PCDHGA7: variants seen among roughly 807,000 people sequenced by gnomAD.
PCDHGA7 encodes the protein protocadherin gamma subfamily A, 7.
A neutral mutation model predicts 58.3 loss-of-function variants in PCDHGA7; 44 were observed. That is an observed-to-expected ratio of 0.75 (90% CI 0.59 to 0.97). The LOEUF (loss-of-function observed/expected upper bound fraction) is 0.97. Among genes scored for constraint, PCDHGA7 ranks in the 50% least tolerant of loss-of-function variants. The probability of loss-of-function intolerance (pLI) is 0.00; values close to 1 mark genes in which losing one functional copy is unlikely to be tolerated. For synonymous variants in PCDHGA7, 516 were observed against 504.2 expected, an observed-to-expected ratio of 1.02 and a Z score of -0.31; for missense variants, 1,266 against 1,188.7, an observed-to-expected ratio of 1.06 and a Z score of -0.96.
chr5:141,455,876 TTTA>T (rs1271603055), intron 1 of PCDHGA7, among the ~76,000 whole-genome samples: 2 of 146,624 alleles, frequency 1.4e-5, no homozygotes, highest in Non-Finnish European at 1.5e-5. Context: ...TATTTATTTA[TTTA>T]TTTATTTATT....
Position 141,490,012 on chromosome 5 carries a change from G to A in PCDHGA7, c.2425-4795G>A. 1 of 1,614,232 alleles carries A rather than the reference G, an allele frequency of 6.2e-7. No homozygotes were observed. Among genetic ancestry groups the A allele is most frequent in the Non-Finnish European group, 8.5e-7 (1 of 1,180,044 alleles). ...GGGAATCCCAGAGAATGCACCCATT[G>A]GTACTCTGCTGCTCCGCCTCAATGC... is the stretch of plus-strand genomic sequence containing the variant. On this transcript the variant is annotated intron_variant, in intron 1 of 3. Transcript: ENST00000518325. This position sits in a 1 kb window ranked among gnomAD's most constrained non-coding sequence, Gnocchi z 5.4.
chr5:141,396,935 C>T (rs545100008), intron 1 of PCDHGA7, among the ~76,000 whole-genome samples: 1 of 152,240 alleles, frequency 6.6e-6, no homozygotes, highest in South Asian at 2.1e-4. Flanking sequence ...ATGAAAGTTG[C>T]CCTGGTAGGA....
At chr5:141,471,654 G>A (rs1235665796) in intron 1 of PCDHGA7, 2 of 152,044 alleles carry the variant, frequency 1.3e-5, no homozygotes, top group South Asian at 2.1e-4. Flanking sequence ...CTGGATGTGG[G>A]GATGCAGAAA....
chr5:141,394,432 C>T (rs1561648568), intron 1 of PCDHGA7: 2 of 1,614,238 alleles, frequency 1.2e-6, no homozygotes, highest in Admixed American at 1.7e-5. Flanking sequence ...AGCGGGGACC[C>T]GCCCCTCAGC....
chr5:141,457,937 G>A (rs916509260), intron 1 of PCDHGA7, among the ~76,000 whole-genome samples: 1 of 152,166 alleles, frequency 6.6e-6, no homozygotes, highest in African/African-American at 2.4e-5. Flanking sequence ...GGCTTTTATT[G>A]GCTCTGCATG....
At chr5:141,406,011 G>A (rs1380278745) in intron 1 of PCDHGA7, among the ~76,000 whole-genome samples, 7 of 151,702 alleles carry the variant, frequency 4.6e-5, no homozygotes, top group African/African-American at 1.7e-4. Context: ...CATTGATGTG[G>A]GCTTTTTGGG....
rs752091789 is a variant in PCDHGA7 at position 141,383,722 on chromosome 5, G to C, written c.823G>C (p.Gly275Arg). ...HAIDLDEGVN[G>R]EVTYSFRKIT... ...TATCGACCTGGACGAGGGAGTCAATGGGGAAGTGACATATTCTTTTCGGAA... is the reference window on the plus strand; with the variant it reads ...TATCGACCTGGACGAGGGAGTCAATCGGGAAGTGACATATTCTTTTCGGAA... Residue 275 changes from glycine (G) to arginine (R), a missense_variant, in exon 1 of 4, where the codon GGG becomes CGG. Coordinates refer to ENST00000518325, the MANE Select transcript of PCDHGA7 (RefSeq NM_018920.4). The C allele has an allele frequency of 1.2e-6, 2 of 1,613,934 alleles. No homozygotes were observed. The highest frequency in any genetic ancestry group is 4.5e-5 in the East Asian group (2 of 44,890).
chr5:141,394,643 G>T, intron 1 of PCDHGA7: 1 of 1,613,492 alleles, frequency 6.2e-7, no homozygotes, highest in Non-Finnish European at 8.5e-7. Flanking sequence ...GCCTGCTCAA[G>T]GCCAGCGAGC....
At position 141,430,895 on chromosome 5, in the gene PCDHGA7, G is replaced by A. The variant is rs775296800; in HGVS notation, c.2424+45572G>A. 6.9e-6 allele frequency: 11 copies of A among 1,605,692 alleles called. No individual in the cohort carries two copies. The Admixed American group carries it at 1.0e-4, about 15-fold the overall frequency. ...AGAGCTGGAGAAAGGCTCTAGGGTG[G>A]GCGACATCTCCAGGGACCTGGGGCT... On this transcript the variant is annotated intron_variant, in intron 1 of 3. Coordinates refer to ENST00000518325, the MANE Select transcript of PCDHGA7 (RefSeq NM_018920.4).
chr5:141,466,984 C>A (rs2099133455), intron 1 of PCDHGA7, among the ~76,000 whole-genome samples: 1 of 151,586 alleles, frequency 6.6e-6, no homozygotes, highest in Non-Finnish European at 1.5e-5. Context: ...CATCATTTAC[C>A]TTTTGGCATT....
chr5:141,505,053 T>C (rs904041070), intron 2 of PCDHGA7, among the ~76,000 whole-genome samples: 2 of 152,108 alleles, frequency 1.3e-5, no homozygotes, highest in African/African-American at 4.8e-5. Context: ...TCCCAGCTAC[T>C]TGGGAGACTG....
chr5:141,478,671 A>G (rs996413401), intron 1 of PCDHGA7: 19 of 1,551,538 alleles, frequency 1.2e-5, no homozygotes, highest in Non-Finnish European at 1.7e-5. Context: ...TCACACTTTC[A>G]ACTGGCCCTT....
chr5:141,414,550 G>A (rs773044624), intron 1 of PCDHGA7: 1 of 1,613,948 alleles, frequency 6.2e-7, no homozygotes, highest in East Asian at 2.2e-5. Flanking sequence ...CTTCTCTCAA[G>A]TCTCCTACTT....
At chr5:141,404,910 CT>C (rs1185141572) in intron 1 of PCDHGA7, 10 of 1,613,936 alleles carry the variant, frequency 6.2e-6, no homozygotes, top group Non-Finnish European at 8.5e-6. Flanking sequence ...GGCCAGCCCC[CT>C]CTCTCGGCCA....
intron 1 of PCDHGA7, chr5:141,423,156 C>T (rs62378456): frequency 0.034 from 55,171 of 1,613,388 alleles, 1,070 homozygotes; most frequent in Middle Eastern, 0.098. Context: ...AGCAGAGCCT[C>T]GTGGTGGCCG....
chr5:141,399,519 G>A (rs1467117930), intron 1 of PCDHGA7: 2 of 1,614,036 alleles, frequency 1.2e-6, no homozygotes, highest in Non-Finnish European at 1.7e-6. Context: ...ACCCTCCTGG[G>A]GCCTCCATCG....
intron 2 of PCDHGA7, among the ~76,000 whole-genome samples, chr5:141,496,206 A>C (rs2099766963): frequency 6.6e-6 from 1 of 152,126 alleles, no homozygotes; most frequent in South Asian, 2.1e-4. Context: ...TCAATCTGGT[A>C]TGAATTCCTG....
intron 1 of PCDHGA7, among the ~76,000 whole-genome samples, chr5:141,425,778 C>G (rs2096893107): frequency 6.6e-6 from 1 of 152,160 alleles, no homozygotes; most frequent in African/African-American, 2.4e-5. Flanking sequence ...AAGACTTTGC[C>G]TAGTTCTTCC....
intron 1 of PCDHGA7, chr5:141,419,208 C>T: frequency 6.2e-7 from 1 of 1,613,966 alleles, no homozygotes; most frequent in Non-Finnish European, 8.5e-7. Flanking sequence ...GACAACGCGC[C>T]GGTTTTCGGA....
Sources: allele counts gnomAD v4.1 joint callset (sites outside exome capture counted in the v4.1 genomes callset), GRCh38; gene constraint gnomAD v4.1.1; non-coding constraint Gnocchi (gnomAD v3.1); transcripts MANE v1.5; gene names NCBI Gene and HGNC (gene_info 2026-07-23, HGNC 2026-07-21).